The following SMN1 variants were observed in gnomAD, a reference collection of about 807,000 sequenced individuals.
SMN1 encodes the protein survival of motor neuron 1, telomeric.
For synonymous variants in SMN1, 3 were observed against 5.1 expected, an observed-to-expected ratio of 0.58 and a Z score of 0.56; for missense variants, 15 against 17.1, an observed-to-expected ratio of 0.88 and a Z score of 0.22.
rs1370145742 is a variant in SMN1 at position 70,952,806 on chromosome 5, CTG to C, written c.*373_*374del. On this transcript the variant is annotated 3_prime_UTR_variant, in exon 9 of 9. Transcript: ENST00000380707. ...GAAGGGTGTTGTAGTTTATAAAAGACTGTCTTAATTTGCATACTTAAGCATTT... is the reference window on the plus strand; with the variant it reads ...GAAGGGTGTTGTAGTTTATAAAAGACTCTTAATTTGCATACTTAAGCATTT... The C allele has an allele frequency of 9.0e-6, 1 of 110,946 alleles. No individual in the cohort carries two copies. Among genetic ancestry groups the C allele is most frequent in the African/African-American group, 3.4e-5 (1 of 29,792 alleles). 6.9% of individuals were successfully genotyped at this position (110,946 alleles called of 1,614,324 possible).
At chr5:70,950,235 T>C (rs971524720) in intron 7 of SMN1, among the ~76,000 whole-genome samples, 1 of 146,200 alleles carries the variant, frequency 6.8e-6, no homozygotes, top group African/African-American at 2.5e-5. Context: ...CTGACCAACA[T>C]GGAGAAACCC....
chr5:70,956,748 G>A (rs1364246310), downstream of SMN1, among the ~76,000 whole-genome samples: 95 of 150,180 alleles, frequency 6.3e-4, 2 homozygotes, highest in African/African-American at 1.8e-3. Context: ...GTCAGGTAGC[G>A]TGATGCCTCC....
At chr5:70,935,792 T>A in intron 1 of SMN1, among the ~76,000 whole-genome samples, 2 of 138,294 alleles carry the variant, frequency 1.4e-5, no homozygotes, top group Admixed American at 7.3e-5. Context: ...AACAGGAAAA[T>A]GACAAAAAGT....
chr5:70,943,509 T>C (rs1295770631), intron 5 of SMN1, among the ~76,000 whole-genome samples: 2 of 36,034 alleles, frequency 5.6e-5, no homozygotes, highest in Admixed American at 6.7e-4. Context: ...CTGGATGATA[T>C]GCTGTTGTTT....
At chr5:70,959,720 A>C in the SMN1 span, among the ~76,000 whole-genome samples, 1 of 31,316 alleles carries the variant, frequency 3.2e-5, no homozygotes, top group African/African-American at 1.4e-4. Flanking sequence ...AGCTCACCGC[A>C]ACCTCCGCCT....
the SMN1 span, among the ~76,000 whole-genome samples, chr5:70,963,945 C>T: frequency 1.2e-3 from 104 of 88,194 alleles, 4 homozygotes; most frequent in African/African-American, 2.9e-3. Flanking sequence ...AGTGCAGTGG[C>T]GTGATCTTGG....
intron 1 of SMN1, among the ~76,000 whole-genome samples, chr5:70,935,773 CAAAAA>C (rs879740939): frequency 7.3e-6 from 1 of 137,342 alleles, no homozygotes; most frequent in Non-Finnish European, 1.6e-5. Flanking sequence ...CAAAACAAAA[CAAAAA>C]AAAAACAGGA....
chr5:70,951,891 A>G lies in SMN1; in HGVS notation c.835-50A>G, dbSNP rs190938376. On this transcript the variant is annotated intron_variant, in intron 7 of 8. Coordinates refer to ENST00000380707, the MANE Select transcript of SMN1 (RefSeq NM_000344.4). ...CATATAAAGCTATCTATATATAGCT[A>G]TCTATGTCTATATAGCTATTTTTTT... 2.8e-4 allele frequency: 428 copies of G among 1,534,780 alleles called. 6 individuals carry two copies. The East Asian group carries it at 9.1e-3, about 33-fold the overall frequency.
chr5:70,952,644 CTA>C lies in SMN1; in HGVS notation c.*211_*212del, dbSNP rs200800214. 12,454 of 167,278 alleles carry C rather than the reference CTA, an allele frequency of 0.074. 316 individuals carry two copies. Among genetic ancestry groups the C allele is most frequent in the African/African-American group, 0.3 (11,330 of 37,694 alleles). 10.4% of individuals were successfully genotyped at this position (167,278 alleles called of 1,614,324 possible). A position where few individuals can be genotyped will look rare whatever the true frequency, so the allele number is the denominator to read the frequency against. On this transcript the variant is annotated 3_prime_UTR_variant, in exon 9 of 9. Transcript: ENST00000380707. ...GCAATGTGAAATATTTTACTGGACT[CTA>C]TTTTGAAAAACCATCTGTAAAAGAC... is the stretch of plus-strand genomic sequence containing the variant.
chr5:70,955,306 A>G (rs1276147615), downstream of SMN1, among the ~76,000 whole-genome samples: 16 of 142,034 alleles, frequency 1.1e-4, no homozygotes, highest in African/African-American at 3.1e-4. Flanking sequence ...GACATGATCT[A>G]TGTTGCCCAA....
Position 70,952,074 on chromosome 5 carries a change from T to G in SMN1, c.*3+80T>G, listed in dbSNP as rs143838139. On this transcript the variant is annotated intron_variant, in intron 8 of 8. Coordinates refer to ENST00000380707, the MANE Select transcript of SMN1 (RefSeq NM_000344.4). ...TGTGGAAAACAAATGTTTTTGAACA[T>G]TTAAAAAGTTCAGATGTTAAAAAGT... The G allele has an allele frequency of 0.015, 24,574 of 1,600,350 alleles. 604 individuals are homozygous for G. The African/African-American group carries it at 0.26, about 17-fold the overall frequency.
downstream of SMN1, among the ~76,000 whole-genome samples, chr5:70,958,622 T>G (rs1487714035): frequency 3.5e-4 from 38 of 107,998 alleles, no homozygotes; most frequent in African/African-American, 1.3e-3. Context: ...AGTTGAGTGG[T>G]TTTGAGTGAG....
chr5:70,960,236 TA>T, the SMN1 span, among the ~76,000 whole-genome samples: 707 of 149,530 alleles, frequency 4.7e-3, 22 homozygotes, highest in African/African-American at 0.016. Flanking sequence ...TTTTTGCTTA[TA>T]AAATTTTATT....
At chr5:70,956,696 C>A (rs1382433332), downstream of SMN1, among the ~76,000 whole-genome samples, 1 of 150,550 alleles carries the variant, frequency 6.6e-6, no homozygotes, top group African/African-American at 2.4e-5. Context: ...GGTACCAGTA[C>A]CATGCTGTTT....
At chr5:70,960,935 G>A in the SMN1 span, among the ~76,000 whole-genome samples, 1 of 140,572 alleles carries the variant, frequency 7.1e-6, no homozygotes, top group Non-Finnish European at 1.6e-5. Context: ...GACCTCAAGT[G>A]ATCCACCCAC....
At chr5:70,946,618 C>T (rs1580890033) in intron 7 of SMN1, 1 of 56,480 alleles carries the variant, frequency 1.8e-5, no homozygotes, top group South Asian at 3.7e-4. Context: ...TCTGGATTCA[C>T]GCCATTCTCC....
chr5:70,951,822 A>G (rs1749759209), intron 7 of SMN1, 119 bp from the exon 8 acceptor site: 1 of 649,052 alleles, frequency 1.5e-6, no homozygotes, highest in Non-Finnish European at 2.8e-6. Context: ...TTTGTTGAAT[A>G]AAATAAGTAA....
chr5:70,955,445 T>A (rs879728357), downstream of SMN1, among the ~76,000 whole-genome samples: 2 of 143,404 alleles, frequency 1.4e-5, no homozygotes, highest in South Asian at 4.7e-4. Flanking sequence ...TTGTGTTTTT[T>A]AAAATGTTTG....
chr5:70,955,256 G>C (rs1307129590), downstream of SMN1, among the ~76,000 whole-genome samples: 1 of 140,566 alleles, frequency 7.1e-6, no homozygotes, highest in Admixed American at 7.3e-5. Flanking sequence ...AAAAACAAGA[G>C]CAACTCTGCT....
Sources: allele counts gnomAD v4.1 joint callset (sites outside exome capture counted in the v4.1 genomes callset), GRCh38; gene constraint gnomAD v4.1.1; transcripts MANE v1.5; gene names NCBI Gene and HGNC (gene_info 2026-07-23, HGNC 2026-07-21).